AMPH: variants seen among roughly 807,000 people sequenced by gnomAD.
The protein encoded by AMPH is amphiphysin (Stiff-Mann syndrome with breast cancer 128kD autoantigen).
A neutral mutation model predicts 99.1 loss-of-function variants in AMPH; 49 were observed. That is an observed-to-expected ratio of 0.49 (90% CI 0.39 to 0.63). The LOEUF is 0.63. AMPH is among the 20% of genes least tolerant of loss of function. AMPH has a pLI of 0.00. For synonymous variants in AMPH, 314 were observed against 317.3 expected (o/e 0.99, Z 0.11); for missense variants, 759 against 863.4 (o/e 0.88, Z 1.52).
At chr7:38,432,121 A>T in intron 13 of AMPH, 68 bp downstream of exon 13, 1 of 1,323,326 alleles carries the variant, frequency 7.6e-7, no homozygotes, top group Non-Finnish European at 1.1e-6. Flanking sequence ...AATGAAATAA[A>T]ATATAACAAG....
intron 20 of AMPH, among the ~76,000 whole-genome samples, chr7:38,386,084 A>T (rs549972733): frequency 1.3e-5 from 2 of 152,202 alleles, no homozygotes; most frequent in Non-Finnish European, 2.9e-5. Context: ...TGCCATATAG[A>T]CAAGAAATAT....
At chr7:38,531,170 G>A (rs536603088) in intron 2 of AMPH, 1 of 152,332 alleles carries the variant, frequency 6.6e-6, no homozygotes, top group Non-Finnish European at 1.5e-5. Flanking sequence ...CCCCTACTTA[G>A]GCAACCTCGT....
chr7:38,541,851 AG>A (rs1790820207), intron 1 of AMPH, among the ~76,000 whole-genome samples: 1 of 152,226 alleles, frequency 6.6e-6, no homozygotes. Flanking sequence ...TTAGAAAACT[AG>A]GGAAAAAAGA....
At chr7:38,499,683 T>C (rs1789060657) in intron 3 of AMPH, among the ~76,000 whole-genome samples, 1 of 152,162 alleles carries the variant, frequency 6.6e-6, no homozygotes, top group African/African-American at 2.4e-5. Context: ...ATGAAAGCCT[T>C]TGAAAATGTA....
intron 2 of AMPH, among the ~76,000 whole-genome samples, chr7:38,504,551 C>T (rs1368558106): frequency 6.6e-6 from 1 of 152,162 alleles, no homozygotes; most frequent in Admixed American, 6.6e-5. Context: ...GGCAACTGGA[C>T]CTCAGTTCCA....
intron 1 of AMPH, among the ~76,000 whole-genome samples, chr7:38,538,073 T>C (rs1790680548): frequency 6.6e-6 from 1 of 152,166 alleles, no homozygotes; most frequent in Non-Finnish European, 1.5e-5. Context: ...TCACAAAAAG[T>C]TTTCATCATA....
intron 1 of AMPH, among the ~76,000 whole-genome samples, chr7:38,557,928 C>G (rs530752951): frequency 6.6e-6 from 1 of 151,748 alleles, no homozygotes; most frequent in East Asian, 1.9e-4. Flanking sequence ...TGGTGGCACA[C>G]GCTGTGACCC....
In AMPH at chr7:38,557,914, C is replaced by T. The variant is rs11980446; in HGVS notation, c.70-22903G>A. Among the ~76,000 whole-genome samples the T allele has an allele frequency of 9.1e-3, 1,380 of 151,684 alleles. 22 individuals carry two copies. The highest frequency in any genetic ancestry group is 0.03 in the African/African-American group (1,243 of 41,360). The stretch of plus-strand genomic sequence containing the variant: ...ACTAAAAATAAAAAAAAATTAGCCA[C>T]GCATGGTGGCACACGCTGTGACCCC... On this transcript the variant is annotated intron_variant, in intron 1 of 20. Coordinates refer to ENST00000356264, the MANE Select transcript of AMPH (RefSeq NM_001635.4).
chr7:38,523,107 TAAA>T (rs60807450), intron 2 of AMPH, among the ~76,000 whole-genome samples: 3 of 132,710 alleles, frequency 2.3e-5, no homozygotes, highest in Non-Finnish European at 3.2e-5. Context: ...AAACTCTGTC[TAAA>T]AAAAAAAAAA....
intron 11 of AMPH, among the ~76,000 whole-genome samples, chr7:38,440,836 A>G (rs754947640): frequency 4.7e-4 from 71 of 152,140 alleles, no homozygotes; most frequent in Non-Finnish European, 7.1e-4. Flanking sequence ...ATTAATACAA[A>G]AGAAAGCAGA....
At chr7:38,586,693 C>T (rs57620524) in intron 1 of AMPH, among the ~76,000 whole-genome samples, 42,734 of 152,068 alleles carry the variant, frequency 0.28, 6,404 homozygotes, top group Non-Finnish European at 0.34. Context: ...AGTCTACATT[C>T]GGCCACACCA....
chr7:38,534,567 T>C (rs1790528773), intron 2 of AMPH, among the ~76,000 whole-genome samples: 1 of 152,120 alleles, frequency 6.6e-6, no homozygotes, highest in Non-Finnish European at 1.5e-5. Flanking sequence ...CCCAGCTACT[T>C]GGGAGGCTGA....
At chr7:38,595,809 C>T (rs1396318084) in intron 1 of AMPH, among the ~76,000 whole-genome samples, 3 of 152,210 alleles carry the variant, frequency 2.0e-5, no homozygotes, top group Admixed American at 6.5e-5. Context: ...TATGTGAGAA[C>T]ATGCAGTATT....
chr7:38,489,635 T>C (rs544883357), intron 5 of AMPH, among the ~76,000 whole-genome samples: 4 of 152,164 alleles, frequency 2.6e-5, no homozygotes, highest in Admixed American at 2.6e-4. Context: ...GATGAGGAGT[T>C]AATTTCCAAA....
At chr7:38,527,121 A>C (rs991311996) in intron 2 of AMPH, among the ~76,000 whole-genome samples, 2 of 149,946 alleles carry the variant, frequency 1.3e-5, no homozygotes, top group African/African-American at 4.8e-5. Flanking sequence ...ATTAATCTAC[A>C]TGTCTATCTC....
chr7:38,495,829 C>G (rs1169131717), intron 3 of AMPH, among the ~76,000 whole-genome samples: 3 of 152,148 alleles, frequency 2.0e-5, no homozygotes, highest in Non-Finnish European at 4.4e-5. Context: ...ATATATGCTT[C>G]TGAGCACAAC....
chr7:38,487,869 G>C (rs750176867), intron 5 of AMPH, among the ~76,000 whole-genome samples: 16 of 152,150 alleles, frequency 1.1e-4, no homozygotes, highest in Non-Finnish European at 1.9e-4. Flanking sequence ...CAAAGGCTAT[G>C]AACAGACACT....
intron 17 of AMPH, among the ~76,000 whole-genome samples, chr7:38,403,046 T>G (rs367581524): frequency 1.1e-4 from 17 of 152,158 alleles, no homozygotes; most frequent in East Asian, 7.7e-4. Flanking sequence ...CCAAGGTTTT[T>G]TTGTTGTTGT....
At chr7:38,520,671 G>C (rs376401037) in intron 2 of AMPH, among the ~76,000 whole-genome samples, 1 of 152,338 alleles carries the variant, frequency 6.6e-6, no homozygotes, top group South Asian at 2.1e-4. Flanking sequence ...TCCTGACTGA[G>C]GGGATGGGGA....
Sources: gnomAD v4.1 joint callset for allele counts (sites outside exome capture counted in the v4.1 genomes callset) on GRCh38, gnomAD v4.1.1 for gene constraint, MANE v1.5 for transcripts, NCBI Gene and HGNC (gene_info 2026-07-23, HGNC 2026-07-21) for gene names.